Variants in VAC14 observed in about 807,000 individuals in gnomAD.
VAC14 encodes protein VAC14 homolog.
In VAC14, 47 loss-of-function variants were observed where a neutral mutation model predicts 85.3. The ratio of observed to expected loss-of-function variants is 0.55; its 90% CI spans 0.44 to 0.70. The LOEUF (loss-of-function observed/expected upper bound fraction) is 0.70, where lower values mean the gene tolerates loss of function less well. Ranked by LOEUF, VAC14 falls within the 30% of genes least tolerant of loss-of-function variation. VAC14 has a pLI of 0.00. For synonymous variants in VAC14, 447 were observed against 430.5 expected (o/e 1.04, Z -0.47); for missense variants, 861 against 1,004.3 (o/e 0.86, Z 1.93).
rs1240576447 is a variant in VAC14, at chr16:70,692,982, C to T, written c.2036-11G>A. On this transcript the variant is annotated splice_polypyrimidine_tract_variant and intron_variant, in intron 17 of 18. Transcript: ENST00000261776. ...GCTGCAGGCGCAGATCTGGGGTAGG[C>T]AGAGGGCAGGGGTCAGGGACCTGGC... 6.2e-7 allele frequency: 1 copy of T among 1,608,736 alleles called. No homozygotes were observed. Among genetic ancestry groups the T allele is most frequent in the Non-Finnish European group, 8.5e-7 (1 of 1,178,354 alleles).
intron 14 of VAC14, among the ~76,000 whole-genome samples, chr16:70,709,013 T>C (rs1157687828): frequency 6.6e-6 from 1 of 152,238 alleles, no homozygotes; most frequent in African/African-American, 2.4e-5. Flanking sequence ...GCCCAAGCCC[T>C]TGGGTCCCTG....
chr16:70,798,172 AG>A (rs2034625822), intron 1 of VAC14, among the ~76,000 whole-genome samples: 1 of 152,204 alleles, frequency 6.6e-6, no homozygotes, highest in African/African-American at 2.4e-5. Flanking sequence ...CTTGAACCCC[AG>A]TTCCAGAGCC....
intron 12 of VAC14, among the ~76,000 whole-genome samples, chr16:70,753,124 TTTCCTC>T (rs1240579664): frequency 2.0e-5 from 3 of 151,990 alleles, no homozygotes; most frequent in African/African-American, 7.3e-5. Context: ...ACTTCTCCAG[TTTCCTC>T]TTAGGGGAAA....
At chr16:70,778,489 A>T (rs879766031) in intron 9 of VAC14, 5 of 152,172 alleles carry the variant, frequency 3.3e-5, no homozygotes, top group Admixed American at 6.5e-5. Flanking sequence ...CACCATTTTC[A>T]AAGTGTTCAA....
intron 12 of VAC14, among the ~76,000 whole-genome samples, chr16:70,756,840 T>A (rs2031907712): frequency 6.6e-6 from 1 of 152,204 alleles, no homozygotes; most frequent in Admixed American, 6.5e-5. Context: ...CCTACCATCC[T>A]TTCCTCCTGA....
At chr16:70,737,303 A>G (rs1018168968) in intron 13 of VAC14, among the ~76,000 whole-genome samples, 2 of 152,140 alleles carry the variant, frequency 1.3e-5, no homozygotes, top group Admixed American at 1.3e-4. Flanking sequence ...CTGCGCTCCG[A>G]GGACCTCAGC....
chr16:70,755,184 G>A (rs1450501482), intron 12 of VAC14: 2 of 333,354 alleles, frequency 6.0e-6, no homozygotes, highest in East Asian at 2.5e-4. Context: ...CTGGGAGAAG[G>A]TCAGCCAGGT....
chr16:70,760,898 C>T lies in VAC14; in HGVS notation c.1371+1642G>A, dbSNP rs186509451. On this transcript the variant is annotated intron_variant, in intron 12 of 18. Transcript: ENST00000261776. ...ACTGTGCAGTGAGTCACTCCCAACT[C>T]GCAGGCAGAACGGGGCCAAGTCCAC... Among the ~76,000 whole-genome samples, 384 of 151,504 alleles carry T rather than the reference C, an allele frequency of 2.5e-3. 3 individuals carry two copies. Among genetic ancestry groups the T allele is most frequent in the South Asian group, 0.014 (68 of 4,778 alleles).
At chr16:70,689,029 G>C in intron 18 of VAC14, 18 of 985,236 alleles carry the variant, frequency 1.8e-5, no homozygotes, top group Non-Finnish European at 2.2e-5. Flanking sequence ...AGAGTCTTGG[G>C]GCCCTTCAAG....
At chr16:70,764,176 C>T (rs1451318835) in intron 10 of VAC14, among the ~76,000 whole-genome samples, 1 of 152,198 alleles carries the variant, frequency 6.6e-6, no homozygotes, top group Non-Finnish European at 1.5e-5. Flanking sequence ...CCCTAAAGGG[C>T]ATGATTCTGC....
chr16:70,740,337 C>T (rs143660321), intron 13 of VAC14, among the ~76,000 whole-genome samples: 475 of 152,286 alleles, frequency 3.1e-3, no homozygotes, highest in Non-Finnish European at 5.4e-3. Flanking sequence ...TAGGGGCAAA[C>T]GTCAGTCCTA....
At chr16:70,794,821 T>C (rs767101788) in intron 1 of VAC14, among the ~76,000 whole-genome samples, 10 of 152,254 alleles carry the variant, frequency 6.6e-5, no homozygotes, top group Non-Finnish European at 1.0e-4. Flanking sequence ...GGTGGAATTC[T>C]GACCTGCACT....
chr16:70,704,203 C>A (rs996445651), intron 14 of VAC14, among the ~76,000 whole-genome samples: 1 of 152,234 alleles, frequency 6.6e-6, no homozygotes, highest in African/African-American at 2.4e-5. Flanking sequence ...TGTCAACTGG[C>A]TTTGTAGGTG....
Position 70,780,997 on chromosome 16 carries a change from C to G in VAC14, c.947-58G>C, listed in dbSNP as rs1203960423. On this transcript the variant is annotated intron_variant, in intron 8 of 18. Coordinates refer to ENST00000261776, the MANE Select transcript of VAC14 (RefSeq NM_018052.5). ...TTTGGATGCCTGTCTCTCTAAATCT[C>G]TTGCTGAAATGTGATTCCCAGTGTT... The G allele has an allele frequency of 3.1e-6, 5 of 1,601,770 alleles. No homozygotes were observed. The African/African-American group carries it at 5.3e-5, about 17-fold the overall frequency.
intron 13 of VAC14, among the ~76,000 whole-genome samples, chr16:70,734,005 G>C (rs1358732217): frequency 6.6e-6 from 1 of 151,948 alleles, no homozygotes; most frequent in African/African-American, 2.4e-5. Context: ...TCTATTTTTA[G>C]TAGAGGTGGG....
At chr16:70,799,954 A>G (rs981001554) in intron 1 of VAC14, among the ~76,000 whole-genome samples, 2 of 152,252 alleles carry the variant, frequency 1.3e-5, no homozygotes, top group African/African-American at 4.8e-5. Context: ...CGCACGGCCA[A>G]CGGCTACTCT....
At chr16:70,691,176 G>A in intron 18 of VAC14, 1 of 985,526 alleles carries the variant, frequency 1.0e-6, no homozygotes, top group South Asian at 4.7e-5. Context: ...ACCCTGGTTT[G>A]AGGAGTCTGA....
At position 70,704,583 on chromosome 16, in the gene VAC14, C is replaced by T. The variant is rs565913745; in HGVS notation, c.1662-5772G>A. On this transcript the variant is annotated intron_variant, in intron 14 of 18. Coordinates refer to ENST00000261776, the MANE Select transcript of VAC14 (RefSeq NM_018052.5). ...AGCTGGCTGTGGCCAGTGGCCTCTC[C>T]CCACCTGGTTAGTTCCTGCAGGCCT... 3.3e-4 allele frequency among the ~76,000 whole-genome samples: 51 copies of T among 152,318 alleles called. 1 individual carries two copies. The highest frequency in any genetic ancestry group is 1.1e-3 in the African/African-American group (46 of 41,572).
chr16:70,783,608 G>A, intron 5 of VAC14, 54 bp from the exon 6 acceptor site: 1 of 1,564,432 alleles, frequency 6.4e-7, no homozygotes, highest in South Asian at 1.1e-5. Flanking sequence ...CCTGTTTCCT[G>A]CTCACCAAGC....
Sources: gnomAD v4.1 joint callset for allele counts (sites outside exome capture counted in the v4.1 genomes callset) on GRCh38, gnomAD v4.1.1 for gene constraint, MANE v1.5 for transcripts, NCBI Gene and HGNC (gene_info 2026-07-23, HGNC 2026-07-21) for gene names.